Variants in CPQ observed in about 807,000 individuals in gnomAD.
The protein encoded by CPQ is carboxypeptidase Q.
A neutral mutation model predicts 45.7 loss-of-function variants in CPQ; 37 were observed. The observed-to-expected ratio is 0.81, with a 90% CI of 0.62 to 1.07. CPQ has a LOEUF of 1.07. CPQ is among the 50% of genes least tolerant of loss of function. CPQ has a pLI of 0.00. For synonymous variants in CPQ, 186 were observed against 205.8 expected, an observed-to-expected ratio of 0.90 and a Z score of 0.82; for missense variants, 537 against 572.9, an observed-to-expected ratio of 0.94 and a Z score of 0.64.
At chr8:97,002,685 T>G (rs1374986490) in intron 5 of CPQ, among the ~76,000 whole-genome samples, 1 of 152,196 alleles carries the variant, frequency 6.6e-6, no homozygotes, top group Non-Finnish European at 1.5e-5. Flanking sequence ...ATGTGATTTA[T>G]TTTAAAGAAA....
chr8:96,856,755 G>T (rs1035246904), intron 3 of CPQ, among the ~76,000 whole-genome samples: 3 of 152,190 alleles, frequency 2.0e-5, no homozygotes, highest in African/African-American at 7.2e-5. Context: ...GTTGTTTCAG[G>T]TTTTCATAAA....
chr8:96,799,941 T>A (rs1810984837), intron 2 of CPQ, among the ~76,000 whole-genome samples: 1 of 152,192 alleles, frequency 6.6e-6, no homozygotes, highest in Admixed American at 6.5e-5. Flanking sequence ...TCTGTAAGAA[T>A]AAGCACACCT....
chr8:96,970,262 T>C (rs988653708), intron 5 of CPQ, among the ~76,000 whole-genome samples: 1 of 152,164 alleles, frequency 6.6e-6, no homozygotes, highest in African/African-American at 2.4e-5. Context: ...AGCCCAGACC[T>C]ACAAAAGATA....
chr8:96,916,384 C>A lies in CPQ; in HGVS notation c.849+36379C>A, dbSNP rs1586450289. On this transcript the variant is annotated intron_variant, in intron 4 of 7. Coordinates refer to ENST00000220763, the MANE Select transcript of CPQ (RefSeq NM_016134.4). Reference sequence around the variant, plus strand: ...AAACCAAAAAATATTCTTTATTATACAACTTTATTTCTTCCCAGAGTTTTA... The same window carrying A: ...AAACCAAAAAATATTCTTTATTATAAAACTTTATTTCTTCCCAGAGTTTTA... 2.0e-5 allele frequency among the ~76,000 whole-genome samples: 3 copies of A among 152,240 alleles called. No individual in the cohort carries two copies. The South Asian group carries it at 6.2e-4, about 32-fold the overall frequency.
At chr8:96,741,324 C>G (rs906186955) in intron 1 of CPQ, among the ~76,000 whole-genome samples, 26 of 152,056 alleles carry the variant, frequency 1.7e-4, no homozygotes, top group African/African-American at 6.0e-4. Flanking sequence ...GGTGATATCC[C>G]CTTTAACATT....
At chr8:96,679,277 G>A (rs980188031) in intron 1 of CPQ, among the ~76,000 whole-genome samples, 4 of 152,048 alleles carry the variant, frequency 2.6e-5, no homozygotes, top group African/African-American at 9.7e-5. Flanking sequence ...CCACTTGATT[G>A]TGGTGTATTG....
intron 1 of CPQ, among the ~76,000 whole-genome samples, chr8:96,779,523 T>G (rs1222047341): frequency 2.0e-5 from 3 of 152,156 alleles, no homozygotes; most frequent in Non-Finnish European, 4.4e-5. Context: ...GTTTATCTGC[T>G]GCCTGGGAAT....
chr8:96,997,121 CCA>C (rs1307880031), intron 5 of CPQ, among the ~76,000 whole-genome samples: 2 of 151,880 alleles, frequency 1.3e-5, no homozygotes, highest in Non-Finnish European at 2.9e-5. Flanking sequence ...AAAATTTCTC[CCA>C]GAGATACCTC....
chr8:97,095,911 T>G (rs1381285264), intron 7 of CPQ, among the ~76,000 whole-genome samples: 1 of 152,178 alleles, frequency 6.6e-6, no homozygotes, highest in Non-Finnish European at 1.5e-5. Flanking sequence ...GTTGGCTACT[T>G]GTTTTTCTTG....
At chr8:97,066,348 C>G (rs1035196454) in intron 7 of CPQ, 138 bp downstream of exon 7, 2 of 722,336 alleles carry the variant, frequency 2.8e-6, no homozygotes, top group South Asian at 3.8e-5. Context: ...AAGGTATAAT[C>G]TGATGATTTC....
chr8:97,114,356 G>A (rs1008207424), intron 7 of CPQ, among the ~76,000 whole-genome samples: 2 of 152,326 alleles, frequency 1.3e-5, no homozygotes, highest in East Asian at 1.9e-4. Context: ...CAGCGCTGCC[G>A]TTGAGCAGCT....
rs548325179 is a variant in CPQ, at chr8:96,686,297, T to A, written c.-35+40895T>A. 3.9e-5 allele frequency among the ~76,000 whole-genome samples: 6 copies of A among 152,034 alleles called. No individual in the cohort carries two copies. In the South Asian group the frequency reaches 1.2e-3, roughly 32 times the overall value. ...GTTAATAAGAATACTAATAATAGAG[T>A]TTTCATTAAGCATGACATGCTGGCT... On this transcript the variant is annotated intron_variant, in intron 1 of 7. Coordinates refer to ENST00000220763, the MANE Select transcript of CPQ (RefSeq NM_016134.4).
At chr8:96,980,897 T>A (rs1813882471) in intron 5 of CPQ, among the ~76,000 whole-genome samples, 1 of 152,214 alleles carries the variant, frequency 6.6e-6, no homozygotes. Context: ...CTTAACACTC[T>A]GAGGACATGG....
At chr8:96,748,718 G>C (rs10808352) in intron 1 of CPQ, among the ~76,000 whole-genome samples, 96,480 of 152,018 alleles carry the variant, frequency 0.63, 31,131 homozygotes, top group East Asian at 0.87. Flanking sequence ...AAAATTAAGA[G>C]TATTCCACAT....
intron 5 of CPQ, among the ~76,000 whole-genome samples, chr8:97,023,333 G>A (rs1005004183): frequency 6.6e-6 from 1 of 152,108 alleles, no homozygotes; most frequent in African/African-American, 2.4e-5. Context: ...GGGAAAGGGT[G>A]GGAAGGAGTT....
chr8:96,835,666 C>A (rs964662730), intron 3 of CPQ, among the ~76,000 whole-genome samples: 2 of 152,160 alleles, frequency 1.3e-5, no homozygotes, highest in African/African-American at 4.8e-5. Context: ...TGCTCCCAAA[C>A]AACTAGGTGG....
At chr8:96,779,322 T>G (rs1371323351) in intron 1 of CPQ, among the ~76,000 whole-genome samples, 1 of 152,160 alleles carries the variant, frequency 6.6e-6, no homozygotes, top group Non-Finnish European at 1.5e-5. Flanking sequence ...CATGGTACTC[T>G]ATGCATGAGA....
chr8:96,950,025 C>G (rs918122326), intron 4 of CPQ, among the ~76,000 whole-genome samples: 1 of 152,078 alleles, frequency 6.6e-6, no homozygotes, highest in Non-Finnish European at 1.5e-5. Context: ...ATCATGTTGA[C>G]CAGAAGTCTC....
Position 96,779,350 on chromosome 8 carries a change from T to C in CPQ, c.-34-5514T>C, listed in dbSNP as rs539788156. ...GCATGAGAATGTTTGAGTATATATATATTATTACAGTTATTTGCCTCTTAG... is the reference window on the plus strand; with the variant it reads ...GCATGAGAATGTTTGAGTATATATACATTATTACAGTTATTTGCCTCTTAG... On this transcript the variant is annotated intron_variant, in intron 1 of 7. Coordinates refer to ENST00000220763, the MANE Select transcript of CPQ (RefSeq NM_016134.4). Among the ~76,000 whole-genome samples the C allele has an allele frequency of 2.3e-3, 348 of 152,278 alleles. 4 individuals are homozygous for C. Among genetic ancestry groups the C allele is most frequent in the African/African-American group, 8.2e-3 (340 of 41,550 alleles).
Sources: gnomAD v4.1 joint callset for allele counts (sites outside exome capture counted in the v4.1 genomes callset) on GRCh38, gnomAD v4.1.1 for gene constraint, MANE v1.5 for transcripts, NCBI Gene and HGNC (gene_info 2026-07-23, HGNC 2026-07-21) for gene names.